SFSWAP: variants seen among roughly 807,000 people sequenced by gnomAD.
The protein encoded by SFSWAP is splicing factor SWAP.
Under a neutral mutation model 100.7 loss-of-function variants are expected in SFSWAP, and 17 were observed. The observed-to-expected ratio is 0.17, with a 90% confidence interval of 0.12 to 0.25. The LOEUF is 0.25. Among genes scored for constraint, SFSWAP ranks in the 10% least tolerant of loss-of-function variants. The pLI is 1.00. For synonymous variants in SFSWAP, 504 were observed against 510.1 expected (o/e 0.99, Z 0.16); for missense variants, 1,005 against 1,262.6 (o/e 0.80, Z 3.09).
At chr12:131,719,417 G>C (rs185675390) in intron 3 of SFSWAP, 37 bp from the exon 4 acceptor site, 1 of 1,533,038 alleles carries the variant, frequency 6.5e-7, no homozygotes, top group Non-Finnish European at 9.0e-7. Context: ...CTTCCTCCCT[G>C]CATTGTTCTG....
chr12:131,725,594 A>G lies in SFSWAP; in HGVS notation c.796A>G (p.Thr266Ala). Residue 266 changes from threonine to alanine, a missense_variant, in exon 5 of 18, where the codon ACT becomes GCT. Transcript: ENST00000261674. The surrounding 1 kb of genome is among the most constrained non-coding windows in gnomAD (Gnocchi z 4.3). ...IQKAMKEGRY[T>A]VLAENKSDEK... ...GAAAGCCATGAAAGAGGGACGCTAC[A>G]CTGTCCTGGCAGAAAACAAAAGTGA... The G allele has an allele frequency of 4.3e-6, 7 of 1,614,074 alleles. No homozygotes were observed. The highest frequency in any genetic ancestry group is 5.9e-6 in the Non-Finnish European group (7 of 1,180,000).
intron 11 of SFSWAP, among the ~76,000 whole-genome samples, chr12:131,758,534 T>G (rs1004133203): frequency 1.4e-4 from 21 of 152,146 alleles, no homozygotes; most frequent in African/African-American, 4.8e-4. Context: ...CATATGGGCA[T>G]CTCTGAAACA....
At chr12:131,744,553 G>A (rs774126542) in intron 7 of SFSWAP, among the ~76,000 whole-genome samples, 1 of 152,218 alleles carries the variant, frequency 6.6e-6, no homozygotes, top group Non-Finnish European at 1.5e-5. Flanking sequence ...CAGCATTTTG[G>A]GCAAAGCCAT....
rs1566031179 is a variant in SFSWAP, at chr12:131,755,483, CGT to C, written c.1548+7_1548+8del. On this transcript the variant is annotated splice_donor_5th_base_variant and intron_variant, in intron 10 of 17. Transcript: ENST00000261674. Reference sequence around the variant, plus strand: ...AGAAGGGGGCGATAGCATGCAGGTACGTGTCTGAATGCAGGGAGGCTGTGAAG... The same window carrying C: ...AGAAGGGGGCGATAGCATGCAGGTACGTCTGAATGCAGGGAGGCTGTGAAG... 1 of 1,605,272 alleles carries C rather than the reference CGT, an allele frequency of 6.2e-7. No individual in the cohort carries two copies. The highest frequency in any genetic ancestry group is 8.5e-7 in the Non-Finnish European group (1 of 1,172,204).
chr12:131,762,258 A>C (rs542187197), intron 11 of SFSWAP, among the ~76,000 whole-genome samples: 20 of 152,018 alleles, frequency 1.3e-4, no homozygotes, highest in Admixed American at 2.6e-4. Flanking sequence ...AAAAAAGTCT[A>C]CTTGAGGCTG....
intron 13 of SFSWAP, 24 bp downstream of exon 13, chr12:131,766,332 A>G (rs1278706271): frequency 5.6e-6 from 9 of 1,604,172 alleles, no homozygotes; most frequent in South Asian, 1.1e-5. Flanking sequence ...CCACATTGGT[A>G]TCTGCGGGGC....
At chr12:131,779,644 G>A (rs890179399) in intron 14 of SFSWAP, among the ~76,000 whole-genome samples, 3 of 152,120 alleles carry the variant, frequency 2.0e-5, no homozygotes, top group African/African-American at 7.2e-5. Flanking sequence ...TTCTGGAATT[G>A]GTGTTAGCTC....
chr12:131,756,605 T>C lies in SFSWAP; in HGVS notation c.1681T>C (p.Ser561Pro), dbSNP rs774585811. The change falls in exon 11 of 18, where the codon TCG becomes CCG. Residue 561 changes from serine (S) to proline (P), a missense_variant. Around this residue, in one of 7 missense-constraint regions of SFSWAP, gnomAD observed 311 missense variants for 317.8 expected, o/e 0.98. Coordinates refer to ENST00000261674, the MANE Select transcript of SFSWAP (RefSeq NM_004592.4). ...AGGCTCAGGCGGGAAGAAGGAGGCATCGTCCAGTAAGACCGTCCCGGACGG... is the reference window on the plus strand; with the variant it reads ...AGGCTCAGGCGGGAAGAAGGAGGCACCGTCCAGTAAGACCGTCCCGGACGG... Reference protein sequence around the residue: ...RAGSGGKKEASSSKTVPDGKL... With the variant: ...RAGSGGKKEAPSSKTVPDGKL... 1.1e-5 allele frequency: 17 copies of C among 1,611,990 alleles called. No individual in the cohort carries two copies. The highest frequency in any genetic ancestry group is 2.7e-5 in the African/African-American group (2 of 74,734).
chr12:131,748,054 G>C (rs1285783442), intron 7 of SFSWAP, among the ~76,000 whole-genome samples: 1 of 152,184 alleles, frequency 6.6e-6, no homozygotes, highest in African/African-American at 2.4e-5. Flanking sequence ...TGGAGAGCCG[G>C]GAGACAGGAA....
Position 131,714,501 on chromosome 12 carries a change from C to A in SFSWAP, c.388+261C>A. On this transcript the variant is annotated intron_variant, in intron 2 of 17. Coordinates refer to ENST00000261674, the MANE Select transcript of SFSWAP (RefSeq NM_004592.4). This position sits in a 1 kb window ranked among gnomAD's most constrained non-coding sequence, Gnocchi z 6.0. ...AAAACCAAACTCTTTAACTGTTCTTCTTTAACAGTATCGTATAAATAAAAT... is the reference window on the plus strand; with the variant it reads ...AAAACCAAACTCTTTAACTGTTCTTATTTAACAGTATCGTATAAATAAAAT... The A allele has an allele frequency of 2.0e-6, 1 of 489,008 alleles. No individual in the cohort carries two copies. The highest frequency in any genetic ancestry group is 3.6e-6 in the Non-Finnish European group (1 of 275,522). The allele number at this position is 489,008 out of a possible 1,614,324, so 30.3% of individuals were successfully genotyped here.
At chr12:131,795,999 G>T (rs1593200075) in intron 15 of SFSWAP, 1 of 15,208 alleles carries the variant, frequency 6.6e-5, no homozygotes, top group Non-Finnish European at 1.5e-4. Flanking sequence ...AGGGGAGAGG[G>T]GGAGGGGAGG....
chr12:131,751,055 A>G (rs1881575609), intron 7 of SFSWAP, among the ~76,000 whole-genome samples: 1 of 151,808 alleles, frequency 6.6e-6, no homozygotes, highest in South Asian at 2.1e-4. Flanking sequence ...CGGCACTGCT[A>G]TTTTTTTTAA....
chr12:131,766,563 G>A (rs1722475635), intron 13 of SFSWAP, among the ~76,000 whole-genome samples: 2 of 152,336 alleles, frequency 1.3e-5, no homozygotes, highest in Middle Eastern at 6.8e-3. Flanking sequence ...TCTGCTTCAC[G>A]GCTGCCCTTA....
In SFSWAP at chr12:131,753,221, A is replaced by T. The variant is rs1395267287; in HGVS notation, c.1180A>T (p.Ser394Cys). 1 of 1,614,180 alleles carries T rather than the reference A, an allele frequency of 6.2e-7. No individual in the cohort carries two copies. Among genetic ancestry groups the T allele is most frequent in the African/African-American group, 1.3e-5 (1 of 75,024 alleles). ...CGGAATCGACGTGACTACTTACTACAGCACCCTTCCTGCTGGCGTGACCGT... is the reference window on the plus strand; with the variant it reads ...CGGAATCGACGTGACTACTTACTACTGCACCCTTCCTGCTGGCGTGACCGT... ...PPGIDVTTYY[S>C]TLPAGVTVSN... The change falls in exon 8 of 18, where the codon AGC becomes TGC. Residue 394 changes from serine to cysteine, a missense_variant. Physicochemically the swap from Ser to Cys is moderately radical, Grantham distance 112. Coordinates refer to ENST00000261674, the MANE Select transcript of SFSWAP (RefSeq NM_004592.4).
At chr12:131,737,929 C>T (rs780076314) in intron 7 of SFSWAP, among the ~76,000 whole-genome samples, 1 of 152,052 alleles carries the variant, frequency 6.6e-6, no homozygotes, top group Non-Finnish European at 1.5e-5. Context: ...TTTTCATGCT[C>T]TTTATTTTTC....
At chr12:131,779,316 T>TGAGCGTGTGTGAAGAGGGCGGC (rs1566051767) in intron 14 of SFSWAP, among the ~76,000 whole-genome samples, 19 of 151,126 alleles carry the variant, frequency 1.3e-4, no homozygotes, top group Admixed American at 2.6e-4. Flanking sequence ...GCGGCGCTGG[T>TGAGCGTGTGTGAAGAGGGCGGC]GCAGAATGTT....
intron 15 of SFSWAP, among the ~76,000 whole-genome samples, chr12:131,792,796 T>A (rs185860318): frequency 3.0e-4 from 45 of 152,344 alleles, no homozygotes; most frequent in African/African-American, 1.1e-3. Flanking sequence ...GACGCAGAGA[T>A]GCAGTGCAGT....
At chr12:131,743,638 C>T (rs1032930248) in intron 7 of SFSWAP, among the ~76,000 whole-genome samples, 1 of 152,336 alleles carries the variant, frequency 6.6e-6, no homozygotes, top group South Asian at 2.1e-4. Flanking sequence ...TCCAGGAGCA[C>T]GGTGCAAGCT....
At chr12:131,712,231 T>C (rs1297247919) in intron 1 of SFSWAP, 1 of 152,240 alleles carries the variant, frequency 6.6e-6, no homozygotes, top group Non-Finnish European at 1.5e-5. Flanking sequence ...CTTTAGGTCG[T>C]CACTCGAGGG....
Sources: gnomAD v4.1 joint callset for allele counts (sites outside exome capture counted in the v4.1 genomes callset) on GRCh38, gnomAD v4.1.1 for gene constraint, gnomAD v4.1.1 regional missense constraint, Gnocchi (gnomAD v3.1) non-coding constraint, MANE v1.5 for transcripts, NCBI Gene and HGNC (gene_info 2026-07-23, HGNC 2026-07-21) for gene names.